HNRNPF: variants seen among roughly 807,000 people sequenced by gnomAD.
HNRNPF encodes HnRNP F protein.
A neutral mutation model predicts 26.0 loss-of-function variants in HNRNPF; 2 were observed. That is an observed-to-expected ratio of 0.08 (90% CI 0.03 to 0.24). The LOEUF (loss-of-function observed/expected upper bound fraction) is 0.24, where lower values mean the gene tolerates loss of function less well. HNRNPF is among the 10% of genes least tolerant of loss of function. The pLI is 1.00. For missense variants in HNRNPF, 299 were observed against 539.2 expected (o/e 0.55, Z 4.41); for synonymous variants, 234 against 211.5 (o/e 1.11, Z -0.92).
chr10:43,406,555 C>T (rs1159254634), intron 1 of HNRNPF, among the ~76,000 whole-genome samples: 2 of 152,062 alleles, frequency 1.3e-5, no homozygotes, highest in Non-Finnish European at 2.9e-5. Context: ...ATTTGCCGGG[C>T]GTGCTGGAGA....
rs202206913 is a variant in HNRNPF, at chr10:43,387,792, G to A, written c.93C>T (p.Leu31=). Residue 31 remains leucine (L), a synonymous_variant, in exon 4 of 4, where the codon CTC becomes CTT. Coordinates refer to ENST00000682386, the MANE Select transcript of HNRNPF (RefSeq NM_001098204.2). This position sits in a 1 kb window ranked among gnomAD's most constrained non-coding sequence, Gnocchi z 6.0. The part of the protein sequence containing the change: ...SCSVEDVQNF[L]SDCTIHDGAA... ...CCCCATCATGAATCGTGCAGTCAGAGAGGAAGTTCTGCACGTCCTCAACAG... is the reference window on the plus strand; with the variant it reads ...CCCCATCATGAATCGTGCAGTCAGAAAGGAAGTTCTGCACGTCCTCAACAG... 1 of 1,614,128 alleles carries A rather than the reference G, an allele frequency of 6.2e-7. No homozygotes were observed. Among genetic ancestry groups the A allele is most frequent in the African/African-American group, 1.3e-5 (1 of 75,020 alleles).
At chr10:43,408,352 TCGACCTCCGACGCTGCGTCTCC>T (rs1227845422) in intron 1 of HNRNPF, among the ~76,000 whole-genome samples, 1 of 152,186 alleles carries the variant, frequency 6.6e-6, no homozygotes, top group Non-Finnish European at 1.5e-5. Flanking sequence ...CGTGCGGCTC[TCGACCTCCGACGCTGCGTCTCC>T]CGATCCCAGT....
intron 1 of HNRNPF, among the ~76,000 whole-genome samples, chr10:43,399,248 A>T (rs1838674770): frequency 6.6e-6 from 1 of 151,852 alleles, no homozygotes; most frequent in East Asian, 1.9e-4. Context: ...AAGCCGGGCT[A>T]ATTTTTTTTT....
chr10:43,406,634 G>A (rs767897915), intron 1 of HNRNPF, among the ~76,000 whole-genome samples: 1 of 151,716 alleles, frequency 6.6e-6, no homozygotes, highest in African/African-American at 2.4e-5. Flanking sequence ...GATCTCGGCA[G>A]CGAGCCGAGA....
At chr10:43,404,983 G>A (rs914765679) in intron 1 of HNRNPF, among the ~76,000 whole-genome samples, 1 of 152,160 alleles carries the variant, frequency 6.6e-6, no homozygotes, top group Non-Finnish European at 1.5e-5. Flanking sequence ...CAAATATAAC[G>A]GGGGATGGAG....
chr10:43,402,337 T>C (rs1239683575), intron 1 of HNRNPF, among the ~76,000 whole-genome samples: 1 of 151,914 alleles, frequency 6.6e-6, no homozygotes, highest in African/African-American at 2.4e-5. Flanking sequence ...TTTCAAAATA[T>C]CCTAATGGGA....
chr10:43,392,326 G>A (rs1317802658), intron 3 of HNRNPF, among the ~76,000 whole-genome samples: 1 of 152,162 alleles, frequency 6.6e-6, no homozygotes, highest in Non-Finnish European at 1.5e-5. Flanking sequence ...GGATCATGAG[G>A]TCAGGAGATC....
intron 1 of HNRNPF, among the ~76,000 whole-genome samples, chr10:43,408,371 C>G (rs1838998089): frequency 6.6e-6 from 1 of 152,240 alleles, no homozygotes; most frequent in Non-Finnish European, 1.5e-5. Flanking sequence ...GACGCTGCGT[C>G]TCCCGATCCC....
rs1564391727 is a variant in HNRNPF at position 43,385,944 on chromosome 10, T to C, written c.*693A>G. The stretch of plus-strand genomic sequence containing the variant: ...ATGTATGAAATTTTTAAATTCACAC[T>C]AAAATACATTACGATTAAAATGAAT... On this transcript the variant is annotated 3_prime_UTR_variant, in exon 4 of 4. Coordinates refer to ENST00000682386, the MANE Select transcript of HNRNPF (RefSeq NM_001098204.2). The C allele has an allele frequency of 6.5e-6, 1 of 152,688 alleles. No homozygotes were observed. Among genetic ancestry groups the C allele is most frequent in the African/African-American group, 2.4e-5 (1 of 41,474 alleles). The allele number at this position is 152,688 out of a possible 1,614,324, so 9.5% of individuals were successfully genotyped here.
chr10:43,386,934 G>T lies in HNRNPF; in HGVS notation c.951C>A (p.Val317=), dbSNP rs1286404700. ...TTCCATCTGGGCCAATCTCAATATGGACTCTCACAGGGTTGAGAGGAGAGA... is the reference window on the plus strand; with the variant it reads ...TTCCATCTGGGCCAATCTCAATATGTACTCTCACAGGGTTGAGAGGAGAGA... ...NFFSPLNPVR[V]HIEIGPDGRV... is the part of the protein sequence containing the mutation. Residue 317 remains valine (V), a synonymous_variant, in exon 4 of 4, where the codon GTC becomes GTA. Coordinates refer to ENST00000682386, the MANE Select transcript of HNRNPF (RefSeq NM_001098204.2). 1.2e-6 allele frequency: 2 copies of T among 1,614,086 alleles called. No individual in the cohort carries two copies. The highest frequency in any genetic ancestry group is 1.1e-5 in the South Asian group (1 of 91,066).
rs1838067339 is a variant in HNRNPF at position 43,387,298 on chromosome 10, T to C, written c.587A>G (p.Asp196Gly). 6.2e-7 allele frequency: 1 copy of C among 1,614,098 alleles called. No homozygotes were observed. Among genetic ancestry groups the C allele is most frequent in the African/African-American group, 1.3e-5 (1 of 74,950 alleles). ...SSQEEVRSYSDPPLKFMSVQR... is the reference protein window; with the variant it reads ...SSQEEVRSYSGPPLKFMSVQR... ...CACGGACATGAACTTCAGAGGGGGA[T>C]CTGAGTATGACCTAACTTCCTCCTG... is the stretch of plus-strand genomic sequence containing the variant. Residue 196 changes from aspartate (D) to glycine (G), a missense_variant, in exon 4 of 4, where the codon GAT (aspartate) becomes GGT (glycine). Physicochemically the swap from Asp to Gly is moderately conservative, Grantham distance 94. Around this residue, in one of 6 missense-constraint regions of HNRNPF, gnomAD observed 17 missense variants for 16.1 expected, o/e 1.05. Coordinates refer to ENST00000682386, the MANE Select transcript of HNRNPF (RefSeq NM_001098204.2). The surrounding 1 kb of genome is among the most constrained non-coding windows in gnomAD (Gnocchi z 6.0).
At chr10:43,408,143 G>A (rs894027661) in intron 1 of HNRNPF, among the ~76,000 whole-genome samples, 10 of 152,100 alleles carry the variant, frequency 6.6e-5, no homozygotes, top group Non-Finnish European at 2.9e-5. Context: ...GGCTTGTCGG[G>A]AACTCCTGGG....
At position 43,387,806 on chromosome 10, in the gene HNRNPF, C is replaced by A; in HGVS notation, c.79G>T (p.Val27Leu). The A allele has an allele frequency of 6.2e-7, 1 of 1,614,110 alleles. No individual in the cohort carries two copies. The highest frequency in any genetic ancestry group is 8.5e-7 in the Non-Finnish European group (1 of 1,180,020). ...GLPWSCSVED[V>L]QNFLSDCTIH... ...GTGCAGTCAGAGAGGAAGTTCTGCA[C>A]GTCCTCAACAGAGCAGGACCAGGGC... The change falls in exon 4 of 4, where the codon GTG (valine) becomes TTG (leucine). Residue 27 changes from valine (V) to leucine (L), a missense_variant. Physicochemically the swap from Val to Leu is conservative, Grantham distance 32. This residue lies in a region of HNRNPF where 104 missense variants were observed against 239.0 expected (regional missense o/e 0.44). Transcript: ENST00000682386. This position sits in a 1 kb window ranked among gnomAD's most constrained non-coding sequence, Gnocchi z 6.0.
At position 43,387,474 on chromosome 10, in the gene HNRNPF, C is replaced by T; in HGVS notation, c.411G>A (p.Val137=). Residue 137 remains valine (V), a synonymous_variant, in exon 4 of 4, where the codon GTG becomes GTA. Coordinates refer to ENST00000682386, the MANE Select transcript of HNRNPF (RefSeq NM_001098204.2). The surrounding 1 kb of genome is among the most constrained non-coding windows in gnomAD (Gnocchi z 6.0). ...CCACAGGCAATGTGATCCCGTTTGG[C>T]ACAATTTCCAACCCTGAGAAGAACT... ...IVQFFSGLEI[V]PNGITLPVDP... is the part of the protein sequence containing the mutation. 3 of 1,614,208 alleles carry T rather than the reference C, an allele frequency of 1.9e-6. No individual in the cohort carries two copies. Among genetic ancestry groups the T allele is most frequent in the Non-Finnish European group, 2.5e-6 (3 of 1,180,048 alleles).
chr10:43,388,854 C>A (rs10793431), intron 3 of HNRNPF, among the ~76,000 whole-genome samples: 52,483 of 151,830 alleles, frequency 0.35, 10,769 homozygotes, highest in African/African-American at 0.59. Flanking sequence ...ACAGCAGGGT[C>A]TATAACATAG....
intron 1 of HNRNPF, among the ~76,000 whole-genome samples, chr10:43,400,039 A>T (rs532441023): frequency 2.6e-5 from 4 of 152,284 alleles, no homozygotes; most frequent in African/African-American, 9.6e-5. Flanking sequence ...TCCTTGATAA[A>T]TAGCTGAGGT....
chr10:43,396,384 T>C (rs922560611), intron 2 of HNRNPF, 72 bp downstream of exon 2: 2 of 152,020 alleles, frequency 1.3e-5, no homozygotes, highest in African/African-American at 4.8e-5. Flanking sequence ...CCGCCCCCAT[T>C]ACTCACTTAG....
intron 1 of HNRNPF, chr10:43,407,952 G>A (rs1288614253): frequency 1.3e-5 from 2 of 152,172 alleles, no homozygotes; most frequent in African/African-American, 4.8e-5. Flanking sequence ...TTGAGACAAG[G>A]TCTCATTTCC....
At chr10:43,405,515 G>T (rs1400099351) in intron 1 of HNRNPF, among the ~76,000 whole-genome samples, 3 of 152,136 alleles carry the variant, frequency 2.0e-5, no homozygotes, top group African/African-American at 4.8e-5. Context: ...AATTAGCCGG[G>T]CATGGTGGCG....
Sources: allele counts gnomAD v4.1 joint callset (sites outside exome capture counted in the v4.1 genomes callset), GRCh38; gene constraint gnomAD v4.1.1; regional missense constraint gnomAD v4.1.1; non-coding constraint Gnocchi (gnomAD v3.1); transcripts MANE v1.5; gene names NCBI Gene and HGNC (gene_info 2026-07-23, HGNC 2026-07-21).